The following TMEM131 variants were observed in gnomAD, a reference collection of about 807,000 sequenced individuals.
TMEM131 encodes transmembrane protein 131.
Under a neutral mutation model 211.6 loss-of-function variants are expected in TMEM131, and 66 were observed. The ratio of observed to expected loss-of-function variants is 0.31; its 90% CI spans 0.26 to 0.38. The LOEUF is 0.38. Ranked by LOEUF, TMEM131 falls within the 10% of genes least tolerant of loss-of-function variation. The probability of loss-of-function intolerance (pLI) is 1.00; values close to 1 mark genes in which losing one functional copy is unlikely to be tolerated. For missense variants in TMEM131, 2,036 were observed against 2,299.3 expected (o/e 0.89, Z 2.34); for synonymous variants, 844 against 841.3 (o/e 1.00, Z -0.06).
rs777886612 is a variant in TMEM131 at position 97,760,815 on chromosome 2, C to T, written c.4989G>A (p.Thr1663=). The T allele has an allele frequency of 1.9e-5, 30 of 1,613,912 alleles. No homozygotes were observed. Among genetic ancestry groups the T allele is most frequent in the African/African-American group, 1.7e-4 (13 of 74,938 alleles). Reference sequence around the variant, plus strand: ...GACCTGGGCTCTTGTCGTAGCCAGCCGTGACTGCAGCAAAAGTGGGGTTGC... The same window carrying T: ...GACCTGGGCTCTTGTCGTAGCCAGCTGTGACTGCAGCAAAAGTGGGGTTGC... ...KNGNPTFAAV[T]AGYDKSPGGN... Residue 1663 remains threonine, a synonymous_variant, in exon 37 of 41, where the codon ACG becomes ACA. Coordinates refer to ENST00000186436, the MANE Select transcript of TMEM131 (RefSeq NM_015348.2).
intron 1 of TMEM131, among the ~76,000 whole-genome samples, chr2:97,950,519 G>A (rs1057018219): frequency 3.3e-5 from 5 of 152,072 alleles, no homozygotes; most frequent in Admixed American, 6.5e-5. Flanking sequence ...TTCTCCCCCT[G>A]CTAGCAGCTC....
chr2:97,978,311 C>T (rs892760555), intron 1 of TMEM131, among the ~76,000 whole-genome samples: 13 of 152,164 alleles, frequency 8.5e-5, no homozygotes, highest in Non-Finnish European at 1.3e-4. Context: ...ATGTTCACAG[C>T]ATCTTCACCA....
At chr2:97,974,844 A>T (rs538713875) in intron 1 of TMEM131, among the ~76,000 whole-genome samples, 1 of 152,336 alleles carries the variant, frequency 6.6e-6, no homozygotes, top group South Asian at 2.1e-4. Context: ...ACACTACAAA[A>T]AAATCCTTCA....
chr2:97,804,824 A>G (rs989952027), intron 22 of TMEM131, among the ~76,000 whole-genome samples: 8 of 152,138 alleles, frequency 5.3e-5, no homozygotes, highest in African/African-American at 1.9e-4. Context: ...CATCCTACAT[A>G]AGAACAACTT....
chr2:97,799,569 C>A (rs1443170472), intron 25 of TMEM131, among the ~76,000 whole-genome samples: 2 of 152,154 alleles, frequency 1.3e-5, no homozygotes, highest in Non-Finnish European at 1.5e-5. Flanking sequence ...AGCTTTTGAG[C>A]AAAATTTAGG....
chr2:97,797,163 CACACATTAAG>C (rs1488381478), intron 26 of TMEM131, among the ~76,000 whole-genome samples, 177 bp from the exon 27 acceptor site: 2 of 152,196 alleles, frequency 1.3e-5, no homozygotes, highest in African/African-American at 4.8e-5. Context: ...TTTTAAGAGA[CACACATTAAG>C]ACACCATTCA....
chr2:97,891,989 GTCA>G (rs1417277218), intron 3 of TMEM131, among the ~76,000 whole-genome samples: 1 of 152,074 alleles, frequency 6.6e-6, no homozygotes, highest in Non-Finnish European at 1.5e-5. Context: ...AACTATCAAA[GTCA>G]CCAGCAGTTT....
intron 11 of TMEM131, among the ~76,000 whole-genome samples, chr2:97,824,568 A>G (rs1682284581): frequency 6.6e-6 from 1 of 152,174 alleles, no homozygotes; most frequent in Non-Finnish European, 1.5e-5. Flanking sequence ...GGAGAGATAT[A>G]TTAGCCAAAG....
At chr2:97,862,594 G>A (rs1334953435) in intron 4 of TMEM131, among the ~76,000 whole-genome samples, 3 of 152,038 alleles carry the variant, frequency 2.0e-5, no homozygotes, top group African/African-American at 7.2e-5. Flanking sequence ...CTGACATACT[G>A]AAGACTGCAT....
At chr2:97,839,708 C>T (rs1252249207) in intron 7 of TMEM131, among the ~76,000 whole-genome samples, 1 of 152,212 alleles carries the variant, frequency 6.6e-6, no homozygotes, top group Non-Finnish European at 1.5e-5. Context: ...TGCAACTATG[C>T]TGTCTATGCA....
At chr2:97,769,304 T>G (rs35185431) in intron 33 of TMEM131, among the ~76,000 whole-genome samples, 1 of 152,030 alleles carries the variant, frequency 6.6e-6, no homozygotes, top group Non-Finnish European at 1.5e-5. Flanking sequence ...ATAATATATT[T>G]TCCTCCATTT....
rs1679144250 is a variant in TMEM131 at position 97,766,004 on chromosome 2, G to A, written c.4723+110C>T. The stretch of plus-strand genomic sequence containing the variant: ...TAACAATGGGCTCTTAGCTGGCAAA[G>A]CACTGTCAATGGGTATTTTAAAGCA... On this transcript the variant is annotated intron_variant, in intron 35 of 40. Coordinates refer to ENST00000186436, the MANE Select transcript of TMEM131 (RefSeq NM_015348.2). The A allele has an allele frequency of 4.3e-6, 6 of 1,387,636 alleles. No individual in the cohort carries two copies. In the African/African-American group the frequency reaches 4.3e-5, roughly 10 times the overall value. The allele number at this position is 1,387,636 out of a possible 1,614,324, so 86.0% of individuals were successfully genotyped here.
intron 1 of TMEM131, among the ~76,000 whole-genome samples, chr2:97,943,049 G>GAAAAGAAAAGA (rs1225095593): frequency 1.9e-5 from 1 of 53,474 alleles, no homozygotes; most frequent in African/African-American, 8.5e-5. Context: ...AAGAAAGAAA[G>GAAAAGAAAAGA]AAAGAAAGAA....
At chr2:97,776,046 C>A (rs767776868) in intron 31 of TMEM131, 28 bp from the exon 32 acceptor site, 2 of 1,586,648 alleles carry the variant, frequency 1.3e-6, no homozygotes, top group Admixed American at 1.9e-5. Flanking sequence ...AGTAAAAGAA[C>A]TCTTGTTTTT....
At chr2:97,898,737 A>G (rs996025685) in intron 3 of TMEM131, among the ~76,000 whole-genome samples, 1 of 152,256 alleles carries the variant, frequency 6.6e-6, no homozygotes, top group African/African-American at 2.4e-5. Flanking sequence ...GCAGACTAAG[A>G]TATGTTGTAC....
chr2:97,900,575 C>G (rs1056433782), intron 3 of TMEM131, among the ~76,000 whole-genome samples: 1 of 151,980 alleles, frequency 6.6e-6, no homozygotes. Flanking sequence ...CAGACACACA[C>G]ACATACACCC....
At chr2:97,952,313 A>AT (rs1332090410) in intron 1 of TMEM131, among the ~76,000 whole-genome samples, 6 of 152,186 alleles carry the variant, frequency 3.9e-5, no homozygotes, top group African/African-American at 1.2e-4. Context: ...GATTTGAAAA[A>AT]TTAATACAGG....
At chr2:97,963,668 T>A (rs1425905451) in intron 1 of TMEM131, among the ~76,000 whole-genome samples, 1 of 152,162 alleles carries the variant, frequency 6.6e-6, no homozygotes, top group African/African-American at 2.4e-5. Context: ...TAAGCGGAGA[T>A]CGCGCCACTG....
At chr2:97,760,462 G>A in intron 38 of TMEM131, 131 bp downstream of exon 38, 1 of 858,728 alleles carries the variant, frequency 1.2e-6, no homozygotes, top group Non-Finnish European at 1.8e-6. Flanking sequence ...AGAGGCACTT[G>A]ACCACTTCTG....
Sources: gnomAD v4.1 joint callset for allele counts (sites outside exome capture counted in the v4.1 genomes callset) on GRCh38, gnomAD v4.1.1 for gene constraint, MANE v1.5 for transcripts, NCBI Gene and HGNC (gene_info 2026-07-23, HGNC 2026-07-21) for gene names.